FGF14: variants seen among roughly 807,000 people sequenced by gnomAD.
The protein encoded by FGF14 is fibroblast growth factor homologous factor 4.
FGF14 carries 5 observed loss-of-function variants against 25.5 expected under a neutral mutation model. That is an observed-to-expected ratio of 0.20 (90% CI 0.10 to 0.41). The LOEUF is 0.41. FGF14 is among the 10% of genes least tolerant of loss of function. The pLI is 1.00. For synonymous variants in FGF14, 138 were observed against 118.3 expected (o/e 1.17, Z -1.08); for missense variants, 222 against 320.1 (o/e 0.69, Z 2.34).
chr13:101,957,465 CA>C (rs2036581747), intron 1 of FGF14, among the ~76,000 whole-genome samples: 1 of 152,154 alleles, frequency 6.6e-6, no homozygotes, highest in Non-Finnish European at 1.5e-5. Context: ...AATGCAAAGA[CA>C]AACAGCTTTG....
chr13:101,762,821 C>T (rs904866157), intron 3 of FGF14, among the ~76,000 whole-genome samples: 8 of 152,098 alleles, frequency 5.3e-5, no homozygotes, highest in African/African-American at 1.4e-4. Context: ...TTTCCAAATC[C>T]GTATCATGTC....
chr13:102,296,125 A>G (rs1304090346), intron 1 of FGF14, among the ~76,000 whole-genome samples: 1 of 150,848 alleles, frequency 6.6e-6, no homozygotes, highest in Non-Finnish European at 1.5e-5. Flanking sequence ...AAAGTTTTGC[A>G]TCCCCTTCAG....
At chr13:102,399,187 G>T (rs1382756208) in intron 1 of FGF14, among the ~76,000 whole-genome samples, 1 of 152,006 alleles carries the variant, frequency 6.6e-6, no homozygotes, top group Admixed American at 6.6e-5. Context: ...ATTGTGACTC[G>T]TGTATAGGGA....
chr13:102,054,589 C>T (rs2042351292), intron 1 of FGF14, among the ~76,000 whole-genome samples: 1 of 152,146 alleles, frequency 6.6e-6, no homozygotes, highest in East Asian at 1.9e-4. Flanking sequence ...TTTGGACTTT[C>T]CCTGGGTTTT....
At position 102,177,303 on chromosome 13, in the gene FGF14, C is replaced by T. The variant is rs1285345674; in HGVS notation, c.208+224168G>A. 2.6e-5 allele frequency among the ~76,000 whole-genome samples: 4 copies of T among 152,144 alleles called. No homozygotes were observed. In the East Asian group the frequency reaches 7.7e-4, roughly 29 times the overall value. On this transcript the variant is annotated intron_variant, in intron 1 of 4. Coordinates refer to the FGF14 transcript ENST00000376131. Reference sequence around the variant, plus strand: ...GTTTGAGTCTGGGTAAGCCAGATCCCTCTGGAAGCTACACAGTGTCTGCTA... The same window carrying T: ...GTTTGAGTCTGGGTAAGCCAGATCCTTCTGGAAGCTACACAGTGTCTGCTA...
chr13:102,073,712 ATCTC>A, intron 1 of FGF14, among the ~76,000 whole-genome samples: 1 of 152,322 alleles, frequency 6.6e-6, no homozygotes, highest in African/African-American at 2.4e-5. Flanking sequence ...CAAATGGAAG[ATCTC>A]TCTGTCATGT....
At chr13:101,786,502 T>C (rs1212587933) in intron 3 of FGF14, among the ~76,000 whole-genome samples, 2 of 152,130 alleles carry the variant, frequency 1.3e-5, no homozygotes, top group African/African-American at 4.8e-5. Flanking sequence ...GTCTAAGTGT[T>C]GGCAAGGTTG....
chr13:102,088,059 A>G (rs536193817), intron 1 of FGF14, among the ~76,000 whole-genome samples: 11 of 152,210 alleles, frequency 7.2e-5, no homozygotes, highest in Non-Finnish European at 1.2e-4. Context: ...ATTCATATCT[A>G]TCTTATGAAT....
intron 1 of FGF14, among the ~76,000 whole-genome samples, chr13:102,256,628 C>T (rs1279385650): frequency 6.6e-6 from 1 of 152,210 alleles, no homozygotes; most frequent in Non-Finnish European, 1.5e-5. Flanking sequence ...AAAGAGTTAA[C>T]ACATCTTCTG....
chr13:102,401,776 G>A (rs2139299188), upstream of FGF14: 3 of 1,049,418 alleles, frequency 2.9e-6, no homozygotes, highest in East Asian at 5.2e-5. Context: ...TTCGGCCAGG[G>A]TGAATGATTT....
At chr13:101,823,242 A>T (rs2042241546) in intron 3 of FGF14, among the ~76,000 whole-genome samples, 1 of 148,554 alleles carries the variant, frequency 6.7e-6, no homozygotes, top group Admixed American at 6.8e-5. Context: ...TTGCTGGGTC[A>T]TATGGCAATT....
In FGF14 at chr13:102,085,251, AG is replaced by A. The variant is rs61155262; in HGVS notation, c.209-209956del. 6.8e-3 allele frequency among the ~76,000 whole-genome samples: 1,022 copies of A among 150,148 alleles called. 9 individuals carry two copies. Among genetic ancestry groups the A allele is most frequent in the African/African-American group, 0.019 (763 of 40,824 alleles). On this transcript the variant is annotated intron_variant, in intron 1 of 4. Transcript: ENST00000376131. ...TCCTATGTGTATGTGCTGGTGGGGG[AG>A]GGGGAGGAAGGAAGAGCTGAGCTAC...
intron 3 of FGF14, among the ~76,000 whole-genome samples, chr13:101,793,180 A>AC (rs1226587800): frequency 6.6e-6 from 1 of 151,248 alleles, no homozygotes; most frequent in Non-Finnish European, 1.5e-5. Flanking sequence ...CATTCCTTCC[A>AC]CCCCCCAGCC....
chr13:102,366,837 TA>T (rs1337802479), intron 1 of FGF14, among the ~76,000 whole-genome samples: 1 of 151,990 alleles, frequency 6.6e-6, no homozygotes, highest in African/African-American at 2.4e-5. Flanking sequence ...ACTAGCAGAG[TA>T]TATCATTTTT....
chr13:101,836,450 T>G (rs942802021), intron 3 of FGF14, among the ~76,000 whole-genome samples: 2 of 152,050 alleles, frequency 1.3e-5, no homozygotes, highest in Non-Finnish European at 2.9e-5. Flanking sequence ...TTTTTGTGAC[T>G]GAACAAGCAC....
At chr13:102,122,485 G>T (rs2045770603) in intron 1 of FGF14, among the ~76,000 whole-genome samples, 1 of 152,154 alleles carries the variant, frequency 6.6e-6, no homozygotes. Flanking sequence ...AGCGGGAGTA[G>T]CTCATCATAT....
chr13:101,817,888 CAA>C (rs1462063518), intron 3 of FGF14, among the ~76,000 whole-genome samples: 1 of 152,192 alleles, frequency 6.6e-6, no homozygotes, highest in Non-Finnish European at 1.5e-5. Flanking sequence ...ATGATGAAAA[CAA>C]GAGAAAAATA....
intron 1 of FGF14, among the ~76,000 whole-genome samples, chr13:102,184,933 A>G (rs919596845): frequency 1.3e-5 from 2 of 152,204 alleles, no homozygotes; most frequent in African/African-American, 2.4e-5. Context: ...TCAAGTATTC[A>G]ATATTAGGTA....
In FGF14 at chr13:101,872,086, T is replaced by A. The variant is rs111321243; in HGVS notation, c.304+3100A>T. Among the ~76,000 whole-genome samples the A allele has an allele frequency of 4.3e-4, 65 of 151,874 alleles. 1 individual carries two copies. Among genetic ancestry groups the A allele is most frequent in the African/African-American group, 1.2e-3 (48 of 41,478 alleles). On this transcript the variant is annotated intron_variant, in intron 2 of 4. Coordinates refer to ENST00000376143, the MANE Select transcript of FGF14 (RefSeq NM_004115.4). ...TTTCATTCTAAATATCCATATTTAG[T>A]GTGGGAAATGTATTGAACTCAATTC...
Sources: gnomAD v4.1 joint callset for allele counts (sites outside exome capture counted in the v4.1 genomes callset) on GRCh38, gnomAD v4.1.1 for gene constraint, MANE v1.5 for transcripts, NCBI Gene and HGNC (gene_info 2026-07-23, HGNC 2026-07-21) for gene names.